Variants in NPC1L1 observed in about 807,000 individuals in gnomAD.
NPC1L1 encodes NPC1-like intracellular cholesterol transporter 1.
NPC1L1 carries 98 observed loss-of-function variants against 117.0 expected under a neutral mutation model. That is an observed-to-expected ratio of 0.84 (90% CI 0.71 to 0.99). NPC1L1 has a LOEUF of 0.99. Among genes scored for constraint, NPC1L1 ranks in the 50% least tolerant of loss-of-function variants. The pLI is 0.00. For synonymous variants in NPC1L1, 729 were observed against 727.6 expected, an observed-to-expected ratio of 1.00 and a Z score of -0.03; for missense variants, 1,540 against 1,710.0, an observed-to-expected ratio of 0.90 and a Z score of 1.75.
intron 1 of NPC1L1, among the ~76,000 whole-genome samples, chr7:44,540,818 C>T (rs755212346): frequency 3.9e-5 from 6 of 152,014 alleles, no homozygotes; most frequent in African/African-American, 7.3e-5. Flanking sequence ...GAGGTGCCAG[C>T]GCTGGATCTT....
Position 44,533,814 on chromosome 7 carries a change from T to C in NPC1L1, c.2206A>G (p.Ile736Val). Reference protein sequence around the residue: ...RRPGEPREVHIGRALGRVAPS... With the variant: ...RRPGEPREVHVGRALGRVAPS... ...GCCACCCTGCCTAGGGCTCGCCCAA[T>C]GTGGACCTCTCGTGGCTCCCCAGGC... The change falls in exon 7 of 19, where the codon ATT (isoleucine) becomes GTT (valine). Residue 736 changes from isoleucine (I) to valine (V), a missense_variant. Coordinates refer to ENST00000381160, the MANE Select transcript of NPC1L1 (RefSeq NM_001101648.2). 2 of 1,613,568 alleles carry C rather than the reference T, an allele frequency of 1.2e-6. No individual in the cohort carries two copies. The highest frequency in any genetic ancestry group is 1.7e-6 in the Non-Finnish European group (2 of 1,179,898).
chr7:44,514,543 C>T (rs1484228164), intron 18 of NPC1L1, among the ~76,000 whole-genome samples: 1 of 151,960 alleles, frequency 6.6e-6, no homozygotes, highest in African/African-American at 2.4e-5. Flanking sequence ...GTGGCATACA[C>T]CGATATCCCA....
rs1801891259 is a variant in NPC1L1 at position 44,536,330 on chromosome 7, C to T, written c.1780G>A (p.Glu594Lys). ...PRLAQAKLWE[E>K]AFLEEMRAFQ... Reference sequence around the variant, plus strand: ...GCTCGCATTTCCTCTAAGAAGGCCTCCTCCCACAGCTTGGCCTGGGCCAGA... The same window carrying T: ...GCTCGCATTTCCTCTAAGAAGGCCTTCTCCCACAGCTTGGCCTGGGCCAGA... Residue 594 changes from glutamate to lysine, a missense_variant, in exon 4 of 19, where the codon GAG (glutamate) becomes AAG (lysine). Glu to Lys is a moderately conservative substitution (Grantham distance 56, BLOSUM62 1). Coordinates refer to ENST00000381160, the MANE Select transcript of NPC1L1 (RefSeq NM_001101648.2). This position sits in a 1 kb window ranked among gnomAD's most constrained non-coding sequence, Gnocchi z 4.7. 6.2e-7 allele frequency: 1 copy of T among 1,614,124 alleles called. No individual in the cohort carries two copies. Among genetic ancestry groups the T allele is most frequent in the African/African-American group, 1.3e-5 (1 of 74,948 alleles).
intron 10 of NPC1L1, among the ~76,000 whole-genome samples, chr7:44,524,955 A>C (rs1282289976): frequency 6.6e-6 from 1 of 152,106 alleles, no homozygotes; most frequent in Non-Finnish European, 1.5e-5. Flanking sequence ...AAAAGCAGTC[A>C]GAAGAAAGAA....
intron 5 of NPC1L1, among the ~76,000 whole-genome samples, chr7:44,535,147 C>T (rs1167196326): frequency 6.6e-6 from 1 of 152,078 alleles, no homozygotes; most frequent in African/African-American, 2.4e-5. Context: ...GGGCGGATCA[C>T]CTGAGGCCAG....
intron 18 of NPC1L1, among the ~76,000 whole-genome samples, chr7:44,514,236 TG>T: frequency 6.6e-6 from 1 of 152,176 alleles, no homozygotes; most frequent in East Asian, 1.9e-4. Context: ...GAGGTAAAAT[TG>T]AACTCCTCCC....
intron 15 of NPC1L1, 86 bp downstream of exon 15, chr7:44,517,121 C>T (rs1801214807): frequency 6.3e-7 from 1 of 1,579,874 alleles, no homozygotes. Context: ...TCATCTCATG[C>T]AACTCCTTGC....
Position 44,513,075 on chromosome 7 carries a change from G to A in NPC1L1, c.*372C>T, listed in dbSNP as rs1047742565. 11 of 352,354 alleles carry A rather than the reference G, an allele frequency of 3.1e-5. No homozygotes were observed. The highest frequency in any genetic ancestry group is 9.4e-5 in the South Asian group (4 of 42,546). The allele number at this position is 352,354 out of a possible 1,614,324, so 21.8% of individuals were successfully genotyped here. A position where few individuals can be genotyped will look rare whatever the true frequency, so the allele number is the denominator to read the frequency against. On this transcript the variant is annotated 3_prime_UTR_variant, in exon 19 of 19. Transcript: ENST00000381160. ...TACGTGTTAAAGACTTACTGACACA[G>A]AATTAAGACTTTCGAGAGAGGAACT...
In NPC1L1 at chr7:44,534,780, A is replaced by C; in HGVS notation, c.1984-151T>G. ...CCCAGTGGTGAGGAGCTCACATCTC[A>C]CATTAAAGCCCCTCTGCAGAGCCAT... is the stretch of plus-strand genomic sequence containing the variant. On this transcript the variant is annotated intron_variant, in intron 5 of 18. Coordinates refer to ENST00000381160, the MANE Select transcript of NPC1L1 (RefSeq NM_001101648.2). The surrounding 1 kb of genome is among the most constrained non-coding windows in gnomAD (Gnocchi z 5.2). 33 of 750,716 alleles carry C rather than the reference A, an allele frequency of 4.4e-5. No individual in the cohort carries two copies. Among genetic ancestry groups the C allele is most frequent in the Non-Finnish European group, 6.2e-5 (29 of 465,132 alleles). The allele number at this position is 750,716 out of a possible 1,614,324, so 46.5% of individuals were successfully genotyped here.
At position 44,540,093 on chromosome 7, in the gene NPC1L1, T is replaced by G. The variant is rs1802045781; in HGVS notation, c.304A>C (p.Ser102Arg). ...AGGAGGGCCTTGGTGATCGACAGAC[T>G]CGCTTCCAGTGATACCAGCTGCTTG... is the stretch of plus-strand genomic sequence containing the variant. Reference protein sequence around the residue: ...SAKQLVSLEASLSITKALLTR... With the variant: ...SAKQLVSLEARLSITKALLTR... Residue 102 changes from serine (S) to arginine (R), a missense_variant, in exon 2 of 19, where the codon AGT becomes CGT. Around this residue, in one of 3 missense-constraint regions of NPC1L1, gnomAD observed 793 missense variants for 820.4 expected, o/e 0.97. Coordinates refer to ENST00000381160, the MANE Select transcript of NPC1L1 (RefSeq NM_001101648.2). 6.2e-7 allele frequency: 1 copy of G among 1,614,088 alleles called. No homozygotes were observed. Among genetic ancestry groups the G allele is most frequent in the Non-Finnish European group, 8.5e-7 (1 of 1,180,000 alleles).
At chr7:44,529,822 TCCAGAGTTCGAGA>T (rs894039568) in intron 10 of NPC1L1, among the ~76,000 whole-genome samples, 2 of 150,208 alleles carry the variant, frequency 1.3e-5, no homozygotes, top group African/African-American at 4.9e-5. Flanking sequence ...GATCACAAGG[TCCAGAGTTCGAGA>T]CCAGCCTGGC....
intron 16 of NPC1L1, 99 bp from the exon 17 acceptor site, chr7:44,516,296 G>T (rs1216950676): frequency 2.0e-6 from 2 of 1,011,416 alleles, no homozygotes; most frequent in Non-Finnish European, 3.0e-6. Context: ...CAGGCATCTA[G>T]ATTCTAGACA....
intron 14 of NPC1L1, among the ~76,000 whole-genome samples, chr7:44,520,187 G>A (rs1399517202): frequency 6.6e-6 from 1 of 152,136 alleles, no homozygotes; most frequent in Non-Finnish European, 1.5e-5. Flanking sequence ...GGCTGAGGCA[G>A]GAGAATCGCT....
chr7:44,535,413 C>T (rs571726101), intron 5 of NPC1L1, among the ~76,000 whole-genome samples: 13 of 151,748 alleles, frequency 8.6e-5, no homozygotes, highest in African/African-American at 3.1e-4. Flanking sequence ...CCTATAGTCC[C>T]AACTACTTGG....
In NPC1L1 at chr7:44,532,163, C is replaced by A. The variant is rs1801724504; in HGVS notation, c.2464G>T (p.Gly822Cys). Reference sequence around the variant, plus strand: ...CCAAGCAGGAGCCCCTCTCCCTGGCCAGGCGGGGGCAGCTCCTGGGGCTTG... The same window carrying A: ...CCAAGCAGGAGCCCCTCTCCCTGGCAAGGCGGGGGCAGCTCCTGGGGCTTG... ...CVKPQELPPP[G>C]QGEGLLLGFF... The change falls in exon 9 of 19, where the codon GGC becomes TGC. Residue 822 changes from glycine to cysteine, a missense_variant. Gly to Cys is a radical substitution (Grantham distance 159). Coordinates refer to ENST00000381160, the MANE Select transcript of NPC1L1 (RefSeq NM_001101648.2). 6.2e-7 allele frequency: 1 copy of A among 1,613,952 alleles called. No individual in the cohort carries two copies. The highest frequency in any genetic ancestry group is 8.5e-7 in the Non-Finnish European group (1 of 1,180,014).
chr7:44,540,484 C>T, intron 1 of NPC1L1, 142 bp from the exon 2 acceptor site: 1 of 766,020 alleles, frequency 1.3e-6, no homozygotes, highest in Non-Finnish European at 2.2e-6. Context: ...AGGAAGCCTC[C>T]TGGAGGCATG....
Position 44,538,668 on chromosome 7 carries a change from T to C in NPC1L1, c.1580+149A>G. On this transcript the variant is annotated intron_variant, in intron 2 of 18. Coordinates refer to ENST00000381160, the MANE Select transcript of NPC1L1 (RefSeq NM_001101648.2). The surrounding 1 kb of genome is among the most constrained non-coding windows in gnomAD (Gnocchi z 5.9). ...GCGGCCGGACGAGGGGCAGAGATAA[T>C]CATCTGGGCGGCCCCAGGCCAGAGC... 1 of 781,344 alleles carries C rather than the reference T, an allele frequency of 1.3e-6. No homozygotes were observed. Among genetic ancestry groups the C allele is most frequent in the Non-Finnish European group, 2.2e-6 (1 of 462,104 alleles). 48.4% of individuals were successfully genotyped at this position (781,344 alleles called of 1,614,324 possible).
intron 1 of NPC1L1, 103 bp from the exon 2 acceptor site, chr7:44,540,445 G>C: frequency 9.6e-7 from 1 of 1,046,652 alleles, no homozygotes; most frequent in Non-Finnish European, 1.4e-6. Context: ...ACATGGAGCA[G>C]GGGCAGGGAA....
chr7:44,531,627 G>T, intron 10 of NPC1L1, 128 bp downstream of exon 10: 1 of 772,344 alleles, frequency 1.3e-6, no homozygotes, highest in Non-Finnish European at 2.2e-6. Context: ...GGTGCCTCCA[G>T]AGTAATGAAC....
Sources: gnomAD v4.1 joint callset for allele counts (sites outside exome capture counted in the v4.1 genomes callset) on GRCh38, gnomAD v4.1.1 for gene constraint, gnomAD v4.1.1 regional missense constraint, Gnocchi (gnomAD v3.1) non-coding constraint, MANE v1.5 for transcripts, NCBI Gene and HGNC (gene_info 2026-07-23, HGNC 2026-07-21) for gene names.